RAD54L2: variants seen among roughly 807,000 people sequenced by gnomAD.
RAD54L2 encodes the protein helicase ARIP4.
Under a neutral mutation model 138.4 loss-of-function variants are expected in RAD54L2, and 27 were observed. The observed-to-expected ratio is 0.20, with a 90% CI of 0.14 to 0.27. The LOEUF is 0.27. Ranked by LOEUF, RAD54L2 falls within the 10% of genes least tolerant of loss-of-function variation. The pLI is 1.00. For missense variants in RAD54L2, 1,396 were observed against 1,890.2 expected, an observed-to-expected ratio of 0.74 and a Z score of 4.85; for synonymous variants, 644 against 723.2, an observed-to-expected ratio of 0.89 and a Z score of 1.76.
intron 3 of RAD54L2, 102 bp from the exon 4 acceptor site, chr3:51,627,451 C>A: frequency 8.9e-7 from 1 of 1,118,430 alleles, no homozygotes; most frequent in Non-Finnish European, 1.3e-6. Flanking sequence ...AGATTACCAG[C>A]TAATAAGTTG....
At chr3:51,616,615 G>A (rs1263158110) in intron 3 of RAD54L2, among the ~76,000 whole-genome samples, 1 of 151,970 alleles carries the variant, frequency 6.6e-6, no homozygotes, top group Non-Finnish European at 1.5e-5. Context: ...ATCACCTGAG[G>A]TGAGGAGTTT....
rs533725198 is a variant in RAD54L2 at position 51,641,825 on chromosome 3, G to A, written c.2308G>A (p.Gly770Arg). ...AGTACCCTGTCCACCTGGTACCGAGGGGCAAGGAGCACAGAAGTGGGTTCG... is the reference window on the plus strand; with the variant it reads ...AGTACCCTGTCCACCTGGTACCGAGAGGCAAGGAGCACAGAAGTGGGTTCG... ...REVPCPPGTE[G>R]QGAQKWVRNI... Residue 770 changes from glycine (G) to arginine (R), a missense_variant, in exon 15 of 23, where the codon GGG becomes AGG. Physicochemically the swap from Gly to Arg is moderately radical, Grantham distance 125. Around this residue, in one of 7 missense-constraint regions of RAD54L2, gnomAD observed 211 missense variants for 273.8 expected, o/e 0.77. Coordinates refer to ENST00000684192, the MANE Select transcript of RAD54L2 (RefSeq NM_015106.4). 1.9e-4 allele frequency: 311 copies of A among 1,597,860 alleles called. 1 individual carries two copies. The South Asian group carries it at 3.5e-3, about 18-fold the overall frequency.
chr3:51,607,734 G>T (rs554624640), intron 3 of RAD54L2, among the ~76,000 whole-genome samples: 152 of 147,286 alleles, frequency 1.0e-3, no homozygotes, highest in African/African-American at 3.6e-3. Flanking sequence ...GGGCAGAGGG[G>T]CTCCTTACTT....
At position 51,665,832 on chromosome 3, in the gene RAD54L2, G is replaced by A. The variant is rs950056224; in HGVS notation, c.*2412G>A. The A allele has an allele frequency of 6.6e-6, 1 of 152,254 alleles. No individual in the cohort carries two copies. The allele number at this position is 152,254 out of a possible 1,614,324, so 9.4% of individuals were successfully genotyped here. On this transcript the variant is annotated 3_prime_UTR_variant, in exon 23 of 23. Coordinates refer to ENST00000684192, the MANE Select transcript of RAD54L2 (RefSeq NM_015106.4). ...TATGTCTGTGTGTGTGTGTTGTCGG[G>A]AGAAGGGGGTAGTATTTCTGTGTTC...
intron 2 of RAD54L2, among the ~76,000 whole-genome samples, chr3:51,556,436 CAG>C (rs1177953673): frequency 6.6e-6 from 1 of 152,058 alleles, no homozygotes; most frequent in East Asian, 1.9e-4. Flanking sequence ...TTTGTAGAGA[CAG>C]GGTATCCCTG....
chr3:51,620,643 G>A (rs1469021199), intron 3 of RAD54L2, among the ~76,000 whole-genome samples: 2 of 152,006 alleles, frequency 1.3e-5, no homozygotes, highest in African/African-American at 4.8e-5. Flanking sequence ...CAAATTTATA[G>A]TGGTGGTGTT....
At chr3:51,640,086 C>T in intron 14 of RAD54L2, 87 bp downstream of exon 14, 1 of 977,634 alleles carries the variant, frequency 1.0e-6, no homozygotes, top group Non-Finnish European at 1.5e-6. Flanking sequence ...ACCACCCCCG[C>T]CTCCCCCAAG....
In RAD54L2 at chr3:51,633,966, C is replaced by T. The variant is rs114438035; in HGVS notation, c.1073C>T (p.Pro358Leu). 35 of 1,613,766 alleles carry T rather than the reference C, an allele frequency of 2.2e-5. No individual in the cohort carries two copies. The highest frequency in any genetic ancestry group is 1.9e-4 in the South Asian group (17 of 91,088). The change falls in exon 9 of 23, where the codon CCG becomes CTG. Residue 358 changes from proline (P) to leucine (L), a missense_variant. Transcript: ENST00000684192. ...TGGCTTCCACCTCCTGAAGCCCTCC[C>T]GGCTGACAACAAGCCTGAAGAAGTC... ...NMWLPPPEAL[P>L]ADNKPEEVQP...
chr3:51,547,469 G>A (rs1291568465), intron 2 of RAD54L2, among the ~76,000 whole-genome samples: 8 of 151,820 alleles, frequency 5.3e-5, no homozygotes, highest in Non-Finnish European at 1.0e-4. Context: ...ACTAACATGT[G>A]CTTATGGTTT....
chr3:51,605,442 A>C (rs1473801094), intron 3 of RAD54L2, among the ~76,000 whole-genome samples: 2 of 132,008 alleles, frequency 1.5e-5, no homozygotes, highest in Non-Finnish European at 3.1e-5. Context: ...TATTTGCTTG[A>C]ATTTGAGGGT....
intron 7 of RAD54L2, 92 bp from the exon 8 acceptor site, chr3:51,633,485 A>G (rs1700900408): frequency 7.8e-7 from 1 of 1,276,228 alleles, no homozygotes; most frequent in African/African-American, 1.5e-5. Flanking sequence ...ACGCCTTCTC[A>G]CTTACTTAAT....
chr3:51,641,268 G>C (rs982929033), intron 14 of RAD54L2, among the ~76,000 whole-genome samples: 2 of 149,470 alleles, frequency 1.3e-5, no homozygotes, highest in African/African-American at 2.5e-5. Context: ...GGCCTCCCAA[G>C]TGCTGGGATT....
At chr3:51,619,152 G>C (rs545771131) in intron 3 of RAD54L2, among the ~76,000 whole-genome samples, 2 of 152,126 alleles carry the variant, frequency 1.3e-5, no homozygotes, top group African/African-American at 4.8e-5. Context: ...CTGCCTCCCG[G>C]GTTCAAGCAA....
chr3:51,557,608 G>T (rs1268452288), intron 2 of RAD54L2, among the ~76,000 whole-genome samples: 1 of 151,764 alleles, frequency 6.6e-6, no homozygotes, highest in Admixed American at 6.6e-5. Context: ...GAGGTGGGTG[G>T]ATCACGAGGT....
At chr3:51,563,080 CGTGT>C (rs1699134653) in intron 2 of RAD54L2, among the ~76,000 whole-genome samples, 1 of 152,062 alleles carries the variant, frequency 6.6e-6, no homozygotes, top group South Asian at 2.1e-4. Flanking sequence ...CCTGACCTGT[CGTGT>C]GTATCTTTGT....
At position 51,638,667 on chromosome 3, in the gene RAD54L2, G is replaced by A; in HGVS notation, c.1860+346G>A. The A allele has an allele frequency of 4.9e-6, 1 of 202,816 alleles. No individual in the cohort carries two copies. The highest frequency in any genetic ancestry group is 1.0e-5 in the Non-Finnish European group (1 of 100,262). 12.6% of individuals were successfully genotyped at this position (202,816 alleles called of 1,614,324 possible). A position where few individuals can be genotyped will look rare whatever the true frequency, so the allele number is the denominator to read the frequency against. The stretch of plus-strand genomic sequence containing the variant: ...TTCAAGAGATATATAGCTTAGACAA[G>A]TTATTAGGGGTACCTTCCATTGGAT... On this transcript the variant is annotated intron_variant, in intron 12 of 22. Transcript: ENST00000684192. The surrounding 1 kb of genome is among the most constrained non-coding windows in gnomAD (Gnocchi z 4.3).
intron 15 of RAD54L2, among the ~76,000 whole-genome samples, chr3:51,642,209 G>A (rs1226238889): frequency 6.6e-6 from 1 of 152,158 alleles, no homozygotes; most frequent in Non-Finnish European, 1.5e-5. Context: ...TCAAAAATGG[G>A]GAGGATTTGA....
rs763191543 is a variant in RAD54L2, at chr3:51,662,905, C to G, written c.3889C>G (p.Pro1297Ala). Residue 1297 changes from proline (P) to alanine (A), a missense_variant, in exon 23 of 23, where the codon CCA (proline) becomes GCA (alanine). Pro to Ala is a conservative substitution (Grantham distance 27). Transcript: ENST00000684192. The surrounding 1 kb of genome is among the most constrained non-coding windows in gnomAD (Gnocchi z 4.6). ...TCCAGTCTCTGGCGGGTTTGCCATGCCACCCGTCTCCTTAAACCATAACCT... is the reference window on the plus strand; with the variant it reads ...TCCAGTCTCTGGCGGGTTTGCCATGGCACCCGTCTCCTTAAACCATAACCT... ...GYPVSGGFAM[P>A]PVSLNHNLTT... is the part of the protein sequence containing the mutation. The G allele has an allele frequency of 6.2e-7, 1 of 1,613,760 alleles. No individual in the cohort carries two copies. Among genetic ancestry groups the G allele is most frequent in the South Asian group, 1.1e-5 (1 of 91,026 alleles).
chr3:51,625,607 C>T (rs1315399743), intron 3 of RAD54L2, among the ~76,000 whole-genome samples: 1 of 151,986 alleles, frequency 6.6e-6, no homozygotes, highest in Non-Finnish European at 1.5e-5. Flanking sequence ...GCCTATACTC[C>T]AAGCACATTG....
Sources: allele counts gnomAD v4.1 joint callset (sites outside exome capture counted in the v4.1 genomes callset), GRCh38; gene constraint gnomAD v4.1.1; regional missense constraint gnomAD v4.1.1; non-coding constraint Gnocchi (gnomAD v3.1); transcripts MANE v1.5; gene names NCBI Gene and HGNC (gene_info 2026-07-23, HGNC 2026-07-21).